Variants in AGFG1 observed in about 807,000 individuals in gnomAD.
AGFG1 encodes the protein ArfGAP with FG repeats 1.
Under a neutral mutation model 60.6 loss-of-function variants are expected in AGFG1, and 10 were observed. The observed-to-expected ratio is 0.16, with a 90% CI of 0.10 to 0.28. AGFG1 has a LOEUF of 0.28. Among genes scored for constraint, AGFG1 ranks in the 10% least tolerant of loss-of-function variants. The pLI is 1.00. For synonymous variants in AGFG1, 247 were observed against 242.9 expected (o/e 1.02, Z -0.16); for missense variants, 537 against 676.5 (o/e 0.79, Z 2.29).
intron 1 of AGFG1, among the ~76,000 whole-genome samples, chr2:227,480,674 T>C (rs535745912): frequency 6.6e-6 from 1 of 152,128 alleles, no homozygotes; most frequent in Non-Finnish European, 1.5e-5. Context: ...GCTGTGCGGC[T>C]CTCATACCAG....
rs1692960943 is a variant in AGFG1 at position 227,556,021 on chromosome 2, GACCGCT to G, written c.*1530_*1535del. The G allele has an allele frequency of 6.6e-6, 1 of 152,208 alleles. No individual in the cohort carries two copies. The highest frequency in any genetic ancestry group is 2.4e-5 in the African/African-American group (1 of 41,456). The allele number at this position is 152,208 out of a possible 1,614,324, so 9.4% of individuals were successfully genotyped here. ...CACTGTCCAAGGCCATTAGTGTAAG[GACCGCT>G]ACCCAGCCTAGAGGACATCACTATA... On this transcript the variant is annotated 3_prime_UTR_variant, in exon 13 of 13. Coordinates refer to ENST00000310078, the MANE Select transcript of AGFG1 (RefSeq NM_004504.5).
chr2:227,486,019 T>A (rs1031554135), intron 1 of AGFG1, among the ~76,000 whole-genome samples: 2 of 152,208 alleles, frequency 1.3e-5, no homozygotes, highest in African/African-American at 2.4e-5. Context: ...AAATTGAAAA[T>A]GCATTCCTTT....
At chr2:227,506,258 C>T (rs1481830708) in intron 2 of AGFG1, among the ~76,000 whole-genome samples, 2 of 152,120 alleles carry the variant, frequency 1.3e-5, no homozygotes, top group Non-Finnish European at 2.9e-5. Context: ...TTAGCAAATT[C>T]TGCTGCTCCC....
chr2:227,476,903 CTTTT>C (rs55837522), intron 1 of AGFG1, among the ~76,000 whole-genome samples: 6 of 110,732 alleles, frequency 5.4e-5, no homozygotes, highest in African/African-American at 6.7e-5. Context: ...CTCTCTCTCT[CTTTT>C]TTTTTTTTTT....
intron 10 of AGFG1, among the ~76,000 whole-genome samples, chr2:227,539,027 CAT>C (rs1692398223): frequency 6.6e-6 from 1 of 152,190 alleles, no homozygotes; most frequent in South Asian, 2.1e-4. Flanking sequence ...GCATTAACTG[CAT>C]ATGTTTCTAT....
intron 1 of AGFG1, among the ~76,000 whole-genome samples, chr2:227,483,609 ATAT>A (rs1240593820): frequency 9.2e-5 from 14 of 152,184 alleles, no homozygotes; most frequent in East Asian, 1.9e-4. Context: ...TTCACTCAAC[ATAT>A]TATCTTTAAG....
chr2:227,535,990 AAAC>A lies in AGFG1; in HGVS notation c.1206-632_1206-630del, dbSNP rs531989995. ...ATTGATATTTGCATTGATGGTGTGA[AAAC>A]AATGGCAAGTAAAACTTGCTGGTGT... On this transcript the variant is annotated intron_variant, in intron 8 of 12. Coordinates refer to ENST00000310078, the MANE Select transcript of AGFG1 (RefSeq NM_004504.5). 1.4e-3 allele frequency among the ~76,000 whole-genome samples: 220 copies of A among 152,258 alleles called. 2 individuals are homozygous for A. Among genetic ancestry groups the A allele is most frequent in the African/African-American group, 4.5e-3 (185 of 41,550 alleles).
At chr2:227,515,766 A>G (rs901249152) in intron 2 of AGFG1, among the ~76,000 whole-genome samples, 4 of 151,462 alleles carry the variant, frequency 2.6e-5, no homozygotes, top group Non-Finnish European at 5.9e-5. Flanking sequence ...CAACCTTGAA[A>G]CCCCCTTTTT....
At chr2:227,519,811 T>G (rs1691773696) in intron 2 of AGFG1, 137 bp from the exon 3 acceptor site, 2 of 549,410 alleles carry the variant, frequency 3.6e-6, no homozygotes. Context: ...AGTTCCTGTT[T>G]ATTAGTATCC....
chr2:227,497,730 G>GTTTTTTTTTTTTTTTTTTTTTTT (rs148621752), intron 2 of AGFG1, among the ~76,000 whole-genome samples: 6 of 38,926 alleles, frequency 1.5e-4, no homozygotes, highest in African/African-American at 4.5e-4. Flanking sequence ...TTTCTTTCTT[G>GTTTTTTTTTTTTTTTTTTTTTTT]TTTTGTTTTT....
intron 1 of AGFG1, among the ~76,000 whole-genome samples, chr2:227,487,477 T>A (rs1373973418): frequency 6.6e-6 from 1 of 152,244 alleles, no homozygotes; most frequent in Non-Finnish European, 1.5e-5. Context: ...AAGTGCATAA[T>A]GTCATACTTT....
intron 10 of AGFG1, among the ~76,000 whole-genome samples, chr2:227,551,129 C>T (rs923434413): frequency 3.3e-5 from 5 of 152,124 alleles, no homozygotes; most frequent in Admixed American, 1.3e-4. Context: ...GTAATACCAG[C>T]GAGGCATGGC....
At chr2:227,514,580 G>A (rs1025103364) in intron 2 of AGFG1, among the ~76,000 whole-genome samples, 1 of 152,218 alleles carries the variant, frequency 6.6e-6, no homozygotes, top group African/African-American at 2.4e-5. Flanking sequence ...CTATGAAATA[G>A]GTTATATTAT....
intron 10 of AGFG1, among the ~76,000 whole-genome samples, chr2:227,539,746 CAA>C (rs71039604): frequency 0.036 from 2,359 of 65,336 alleles, 9 homozygotes; most frequent in South Asian, 0.085. Context: ...CTCTAGCTCA[CAA>C]AAAAAAAAAA....
intron 5 of AGFG1, among the ~76,000 whole-genome samples, chr2:227,530,719 A>G (rs1441892677): frequency 6.6e-6 from 1 of 151,930 alleles, no homozygotes; most frequent in Non-Finnish European, 1.5e-5. Context: ...TAATCAGTGA[A>G]TTTTTCCAGG....
At position 227,478,794 on chromosome 2, in the gene AGFG1, T is replaced by G. The variant is rs570776718; in HGVS notation, c.167+6206T>G. The stretch of plus-strand genomic sequence containing the variant: ...GCATTTTAATGTACTTATAAAACAG[T>G]TTGAATGCTGAATTCTTCTAGATTT... On this transcript the variant is annotated intron_variant, in intron 1 of 12. Transcript: ENST00000310078. Among the ~76,000 whole-genome samples, 31 of 152,326 alleles carry G rather than the reference T, an allele frequency of 2.0e-4. No individual in the cohort carries two copies. The South Asian group carries it at 5.6e-3, about 27-fold the overall frequency.
At chr2:227,530,401 C>T (rs1692123987) in intron 5 of AGFG1, among the ~76,000 whole-genome samples, 1 of 152,048 alleles carries the variant, frequency 6.6e-6, no homozygotes, top group African/African-American at 2.4e-5. Context: ...GATACAAGTA[C>T]TACAAAGTCC....
chr2:227,544,048 T>A (rs1692569491), intron 10 of AGFG1, among the ~76,000 whole-genome samples: 1 of 152,036 alleles, frequency 6.6e-6, no homozygotes, highest in Admixed American at 6.6e-5. Context: ...CTCCATCCCT[T>A]TATTTTGAGC....
At chr2:227,517,841 T>TA (rs1428487340) in intron 2 of AGFG1, among the ~76,000 whole-genome samples, 1 of 152,230 alleles carries the variant, frequency 6.6e-6, no homozygotes, top group Middle Eastern at 3.2e-3. Flanking sequence ...TGCTGAGGAA[T>TA]AGTTGATAAC....
Sources: allele counts gnomAD v4.1 joint callset (sites outside exome capture counted in the v4.1 genomes callset), GRCh38; gene constraint gnomAD v4.1.1; transcripts MANE v1.5; gene names NCBI Gene and HGNC (gene_info 2026-07-23, HGNC 2026-07-21).